Variants in SOX5 observed in about 807,000 individuals in gnomAD.
SOX5 encodes the protein transcription factor SOX-5.
Under a neutral mutation model 92.0 loss-of-function variants are expected in SOX5, and 9 were observed. The ratio of observed to expected loss-of-function variants is 0.10; its 90% confidence interval spans 0.06 to 0.17. The LOEUF (loss-of-function observed/expected upper bound fraction) is 0.17. SOX5 is among the 10% of genes least tolerant of loss of function. The pLI, the probability that SOX5 is intolerant of heterozygous loss-of-function variation, is 1.00. For missense variants in SOX5, 642 were observed against 944.5 expected, an observed-to-expected ratio of 0.68 and a Z score of 4.20; for synonymous variants, 344 against 336.3, an observed-to-expected ratio of 1.02 and a Z score of -0.25.
intron 1 of SOX5, among the ~76,000 whole-genome samples, chr12:24,394,877 G>A (rs536434475): frequency 2.6e-5 from 4 of 152,216 alleles, no homozygotes; most frequent in Middle Eastern, 3.4e-3. Context: ...TTGGCTTTTG[G>A]CAGAAGCCTA....
intron 3 of SOX5, among the ~76,000 whole-genome samples, chr12:24,223,493 C>T (rs892453099): frequency 3.3e-5 from 5 of 152,198 alleles, no homozygotes; most frequent in Admixed American, 3.3e-4. Flanking sequence ...GTGGCTCACA[C>T]CTGTAATCCC....
intron 4 of SOX5, among the ~76,000 whole-genome samples, chr12:24,159,545 A>G (rs1275090387): frequency 6.6e-6 from 1 of 151,968 alleles, no homozygotes; most frequent in Non-Finnish European, 1.5e-5. Flanking sequence ...ATTTTTCCCA[A>G]TGAACTCATT....
At chr12:24,557,129 G>A (rs1024101215) in intron 1 of SOX5, among the ~76,000 whole-genome samples, 3 of 152,072 alleles carry the variant, frequency 2.0e-5, no homozygotes, top group Admixed American at 6.5e-5. Context: ...GGTGGCTCAC[G>A]CTTGTAATCC....
At chr12:24,547,489 C>G (rs1018196215) in intron 1 of SOX5, among the ~76,000 whole-genome samples, 6 of 152,166 alleles carry the variant, frequency 3.9e-5, no homozygotes, top group Admixed American at 3.9e-4. Context: ...CCGCGCCCGG[C>G]CTATCTAACA....
intron 3 of SOX5, among the ~76,000 whole-genome samples, chr12:24,245,707 T>TA (rs1331563983): frequency 6.6e-6 from 1 of 152,172 alleles, no homozygotes; most frequent in Non-Finnish European, 1.5e-5. Context: ...AGCTAATTTT[T>TA]AACAAGGTTT....
chr12:23,541,540 G>A (rs1238410740), intron 13 of SOX5, among the ~76,000 whole-genome samples: 1 of 152,076 alleles, frequency 6.6e-6, no homozygotes, highest in East Asian at 1.9e-4. Context: ...AGTCACAAAA[G>A]GGAAAAATAG....
At chr12:24,432,603 GGAGATC>G (rs1158472191) in intron 1 of SOX5, among the ~76,000 whole-genome samples, 1 of 152,042 alleles carries the variant, frequency 6.6e-6, no homozygotes, top group Non-Finnish European at 1.5e-5. Context: ...CACGAGGTCA[GGAGATC>G]GAGACCATCC....
chr12:23,585,094 T>A (rs974413101), intron 9 of SOX5, among the ~76,000 whole-genome samples: 1 of 152,150 alleles, frequency 6.6e-6, no homozygotes, highest in Non-Finnish European at 1.5e-5. Flanking sequence ...GTTTTTAATA[T>A]AGCATTTCAA....
At chr12:24,160,417 G>A (rs1311360464) in intron 4 of SOX5, among the ~76,000 whole-genome samples, 8 of 151,934 alleles carry the variant, frequency 5.3e-5, no homozygotes, top group African/African-American at 1.9e-4. Flanking sequence ...TAAAAGTGAT[G>A]TTGCAACATT....
At chr12:23,701,925 A>G (rs983843877) in intron 6 of SOX5, among the ~76,000 whole-genome samples, 1 of 152,074 alleles carries the variant, frequency 6.6e-6, no homozygotes, top group Non-Finnish European at 1.5e-5. Flanking sequence ...CAATCCTTAA[A>G]AACACTAGAA....
At chr12:23,631,116 TTAAA>T (rs1566530528) in intron 8 of SOX5, among the ~76,000 whole-genome samples, 1 of 152,082 alleles carries the variant, frequency 6.6e-6, no homozygotes, top group East Asian at 1.9e-4. Context: ...ATGGATAATA[TTAAA>T]TAGTTTTCTA....
In SOX5 at chr12:23,760,323, G is replaced by A. The variant is rs183357529; in HGVS notation, c.482-4599C>T. Among the ~76,000 whole-genome samples, 22 of 151,990 alleles carry A rather than the reference G, an allele frequency of 1.4e-4. 1 individual carries two copies. In the East Asian group the frequency reaches 4.3e-3, roughly 29 times the overall value. ...GTAGAACAGATGGAATACAAAACCA[G>A]GTTCTCTTAATTTCAGGATCTGTCT... On this transcript the variant is annotated intron_variant, in intron 3 of 14. Transcript: ENST00000451604.
chr12:23,941,941 A>T (rs1037380402), intron 1 of SOX5, among the ~76,000 whole-genome samples: 1 of 149,342 alleles, frequency 6.7e-6, no homozygotes, highest in East Asian at 1.9e-4. Flanking sequence ...TAGCTAATAA[A>T]AAAAAAAAAA....
chr12:24,157,661 A>G (rs1952331710), intron 4 of SOX5, among the ~76,000 whole-genome samples: 1 of 152,116 alleles, frequency 6.6e-6, no homozygotes. Flanking sequence ...CCTATTAGAC[A>G]ACCTGTCCTA....
At chr12:23,545,568 G>GC (rs1942966805) in intron 12 of SOX5, among the ~76,000 whole-genome samples, 1 of 152,126 alleles carries the variant, frequency 6.6e-6, no homozygotes, top group Non-Finnish European at 1.5e-5. Flanking sequence ...TAGAGAGTGG[G>GC]CCCGACACTT....
At chr12:24,158,228 A>C (rs1278812451) in intron 4 of SOX5, among the ~76,000 whole-genome samples, 1 of 152,058 alleles carries the variant, frequency 6.6e-6, no homozygotes, top group Non-Finnish European at 1.5e-5. Context: ...TTATTGCTTT[A>C]TACCACAATA....
At chr12:23,771,974 A>C (rs948885618) in intron 3 of SOX5, among the ~76,000 whole-genome samples, 4 of 152,196 alleles carry the variant, frequency 2.6e-5, no homozygotes, top group Admixed American at 6.5e-5. Flanking sequence ...AAATTCATAG[A>C]AATATGTGCC....
intron 6 of SOX5, among the ~76,000 whole-genome samples, chr12:23,705,955 G>A (rs1399738301): frequency 6.6e-6 from 1 of 151,838 alleles, no homozygotes; most frequent in Non-Finnish European, 1.5e-5. Flanking sequence ...TCCTAGAGAG[G>A]GAACATTTAA....
intron 1 of SOX5, among the ~76,000 whole-genome samples, chr12:24,414,906 C>T (rs1016684093): frequency 1.3e-5 from 2 of 152,108 alleles, no homozygotes; most frequent in Non-Finnish European, 2.9e-5. Flanking sequence ...AATTTCTACT[C>T]CAAATCCCCA....
Sources: gnomAD v4.1 joint callset for allele counts (sites outside exome capture counted in the v4.1 genomes callset) on GRCh38, gnomAD v4.1.1 for gene constraint, MANE v1.5 for transcripts, NCBI Gene and HGNC (gene_info 2026-07-23, HGNC 2026-07-21) for gene names.